The following KIF26B variants were observed in gnomAD, a reference collection of about 807,000 sequenced individuals.
KIF26B encodes the protein kinesin-like protein KIF26B.
A neutral mutation model predicts 151.2 loss-of-function variants in KIF26B; 63 were observed. The ratio of observed to expected loss-of-function variants is 0.42; its 90% CI spans 0.34 to 0.51. KIF26B has a LOEUF of 0.51. KIF26B is among the 20% of genes least tolerant of loss of function. KIF26B has a pLI of 0.07. For missense variants in KIF26B, 2,813 were observed against 2,913.6 expected (o/e 0.97, Z 0.79); for synonymous variants, 1,357 against 1,262.1 (o/e 1.08, Z -1.59).
At chr1:245,338,984 GTT>G (rs200327162) in intron 2 of KIF26B, among the ~76,000 whole-genome samples, 1 of 140,956 alleles carries the variant, frequency 7.1e-6, no homozygotes, top group African/African-American at 2.6e-5. Context: ...TGCTTTTAGG[GTT>G]TTTTTTTTTT....
At position 245,540,165 on chromosome 1, in the gene KIF26B, T is replaced by C. The variant is rs1463581408; in HGVS notation, c.1167-602T>C. Among the ~76,000 whole-genome samples, 3 of 152,170 alleles carry C rather than the reference T, an allele frequency of 2.0e-5. No individual in the cohort carries two copies. The highest frequency in any genetic ancestry group is 6.5e-5 in the Admixed American group (1 of 15,280). ...GACCTCCCTGCACAATATCCTCTTATCTACGTAAGCAGCCCATAGCCTCAG... is the reference window on the plus strand; with the variant it reads ...GACCTCCCTGCACAATATCCTCTTACCTACGTAAGCAGCCCATAGCCTCAG... On this transcript the variant is annotated intron_variant, in intron 4 of 14. Coordinates refer to ENST00000407071, the MANE Select transcript of KIF26B (RefSeq NM_018012.4). This position sits in a 1 kb window ranked among gnomAD's most constrained non-coding sequence, Gnocchi z 4.6.
intron 3 of KIF26B, among the ~76,000 whole-genome samples, chr1:245,401,882 CAAACAAAG>C (rs137872576): frequency 0.13 from 18,868 of 145,984 alleles, 2,378 homozygotes; most frequent in African/African-American, 0.34. Context: ...AACAAACAAA[CAAACAAAG>C]AAACACACAC....
chr1:245,688,420 C>A lies in KIF26B; in HGVS notation c.5437C>A (p.Gln1813Lys). 1 of 1,437,036 alleles carries A rather than the reference C, an allele frequency of 7.0e-7. No homozygotes were observed. Among genetic ancestry groups the A allele is most frequent in the South Asian group, 1.4e-5 (1 of 69,026 alleles). 89.0% of individuals were successfully genotyped at this position (1,437,036 alleles called of 1,614,324 possible). Residue 1813 changes from glutamine (Q) to lysine (K), a missense_variant, in exon 12 of 15, where the codon CAG (glutamine) becomes AAG (lysine). Physicochemically the swap from Gln to Lys is moderately conservative, Grantham distance 53 (BLOSUM62 1). Around this residue, in one of 3 missense-constraint regions of KIF26B, gnomAD observed 2,060 missense variants for 2,088.6 expected, o/e 0.99. Transcript: ENST00000407071. ...CAGCGGGCGCATCTCGGAGCTGCTGCAGGGTGGCGCGGGCGCCCGGGGCTT... is the reference window on the plus strand; with the variant it reads ...CAGCGGGCGCATCTCGGAGCTGCTGAAGGGTGGCGCGGGCGCCCGGGGCTT... The part of the protein sequence containing the change: ...AVSGRISELL[Q>K]GGAGARGLQL...
At chr1:245,238,314 T>G (rs1670151755) in intron 2 of KIF26B, among the ~76,000 whole-genome samples, 1 of 152,124 alleles carries the variant, frequency 6.6e-6, no homozygotes, top group Non-Finnish European at 1.5e-5. Context: ...CCAGCCTGCG[T>G]GACAGAAACT....
chr1:245,361,188 G>A (rs1020746141), intron 2 of KIF26B, among the ~76,000 whole-genome samples: 1 of 152,066 alleles, frequency 6.6e-6, no homozygotes, highest in Non-Finnish European at 1.5e-5. Context: ...CCTATTAATC[G>A]CATTCCCACC....
In KIF26B at chr1:245,367,292, C is replaced by T. The variant is rs1321738484; in HGVS notation, c.924C>T (p.Ala308=). ...PSNGNILNSV[A]IQAHQYLDGT... The stretch of plus-strand genomic sequence containing the variant: ...ATGGGAACATCCTCAATTCGGTGGC[C>T]ATCCAGGCTCACCAGTACCTGGATG... The change falls in exon 3 of 15, where the codon GCC becomes GCT. Residue 308 remains alanine, a synonymous_variant. Transcript: ENST00000407071. The surrounding 1 kb of genome is among the most constrained non-coding windows in gnomAD (Gnocchi z 4.2). The T allele has an allele frequency of 4.4e-6, 7 of 1,597,320 alleles. No homozygotes were observed. Among genetic ancestry groups the T allele is most frequent in the Non-Finnish European group, 6.0e-6 (7 of 1,172,230 alleles).
At chr1:245,693,606 C>T (rs560574831) in intron 12 of KIF26B, among the ~76,000 whole-genome samples, 1 of 152,302 alleles carries the variant, frequency 6.6e-6, no homozygotes, top group East Asian at 1.9e-4. Flanking sequence ...GTCAACATTA[C>T]TGACTGATGG....
intron 5 of KIF26B, among the ~76,000 whole-genome samples, chr1:245,584,615 G>A (rs900238913): frequency 6.6e-6 from 1 of 152,110 alleles, no homozygotes; most frequent in African/African-American, 2.4e-5. Context: ...ATTTTGGTAC[G>A]ATTCCAATGA....
chr1:245,472,617 G>A (rs1659939739), intron 4 of KIF26B, among the ~76,000 whole-genome samples: 1 of 152,200 alleles, frequency 6.6e-6, no homozygotes, highest in African/African-American at 2.4e-5. Context: ...GCTAACAATA[G>A]TGATCTTATG....
intron 4 of KIF26B, among the ~76,000 whole-genome samples, chr1:245,524,621 G>T (rs1056537381): frequency 6.6e-6 from 1 of 152,064 alleles, no homozygotes; most frequent in Non-Finnish European, 1.5e-5. Context: ...AATTTTATAA[G>T]CTAAGTAACT....
Position 245,654,475 on chromosome 1 carries a change from C to T in KIF26B, c.2258+8195C>T, listed in dbSNP as rs571124483. ...AGTCTGGGTCCCGTGTTCTGGGCAC[C>T]ACCAATGGAGGGTATCCTCTCAGAA... is the stretch of plus-strand genomic sequence containing the variant. On this transcript the variant is annotated intron_variant, in intron 10 of 14. Transcript: ENST00000407071. Among the ~76,000 whole-genome samples, 3 of 152,268 alleles carry T rather than the reference C, an allele frequency of 2.0e-5. No individual in the cohort carries two copies. In the South Asian group the frequency reaches 6.2e-4, roughly 32 times the overall value.
rs139014157 is a variant in KIF26B, at chr1:245,529,463, G to A, written c.1167-11304G>A. The stretch of plus-strand genomic sequence containing the variant: ...GCAAGGCATGGATTCTGCCACCGAC[G>A]GAGTATTTATTTGGTCTTTCTAAAA... On this transcript the variant is annotated intron_variant, in intron 4 of 14. Coordinates refer to ENST00000407071, the MANE Select transcript of KIF26B (RefSeq NM_018012.4). 5.1e-3 allele frequency among the ~76,000 whole-genome samples: 775 copies of A among 152,250 alleles called. 10 individuals carry two copies. The highest frequency in any genetic ancestry group is 0.017 in the African/African-American group (698 of 41,542).
intron 2 of KIF26B, among the ~76,000 whole-genome samples, chr1:245,245,801 C>T (rs866677785): frequency 1.3e-5 from 2 of 151,940 alleles, no homozygotes; most frequent in Non-Finnish European, 2.9e-5. Context: ...GTGGCGGGTG[C>T]CTGCAATCCC....
Position 245,390,943 on chromosome 1 carries a change from A to AAAAAAAAAAAAAACAAAACAAAACAAAAC in KIF26B, c.999+23585_999+23586insAAAACAAAACAAAACAAAACAAAAAAAAA, listed in dbSNP as rs1553270131. On this transcript the variant is annotated intron_variant, in intron 3 of 14. Transcript: ENST00000407071. ...TCTCAAAAAAAAAAAAAAAAAAAAAAAAAAAAAAACCACCATAAAATTTTG... is the reference window on the plus strand; with the variant it reads ...TCTCAAAAAAAAAAAAAAAAAAAAAAAAAAAAAAAAAAACAAAACAAAACAAAACAAAAAAAAACCACCATAAAATTTTG... Among the ~76,000 whole-genome samples the AAAAAAAAAAAAAACAAAACAAAACAAAAC allele has an allele frequency of 8.4e-5, 10 of 118,458 alleles. 2 individuals are homozygous for AAAAAAAAAAAAAACAAAACAAAACAAAAC. The highest frequency in any genetic ancestry group is 4.1e-4 in the African/African-American group (10 of 24,448). 77.7% of individuals were successfully genotyped at this position (118,458 alleles called of 152,430 possible).
chr1:245,530,555 A>C (rs1661338545), intron 4 of KIF26B, among the ~76,000 whole-genome samples: 1 of 152,254 alleles, frequency 6.6e-6, no homozygotes, highest in African/African-American at 2.4e-5. Context: ...ACTGGAGGTC[A>C]TTATGTTAAG....
At chr1:245,581,806 C>T (rs1443797476) in intron 5 of KIF26B, among the ~76,000 whole-genome samples, 1 of 152,072 alleles carries the variant, frequency 6.6e-6, no homozygotes, top group Admixed American at 6.6e-5. Context: ...AATCCCAGCA[C>T]TTTGGGAGGC....
At position 245,521,686 on chromosome 1, in the gene KIF26B, C is replaced by T. The variant is rs1264612945; in HGVS notation, c.1167-19081C>T. On this transcript the variant is annotated intron_variant, in intron 4 of 14. Transcript: ENST00000407071. ...ATTTTGAGCCAGTTCTGACCATCCA[C>T]TCATCCGTCTGTATTTGTGTAGTGC... Among the ~76,000 whole-genome samples the T allele has an allele frequency of 2.6e-5, 4 of 152,086 alleles. No homozygotes were observed. In the East Asian group the frequency reaches 7.7e-4, roughly 29 times the overall value.
At chr1:245,285,458 A>C (rs1265005052) in intron 2 of KIF26B, among the ~76,000 whole-genome samples, 1 of 152,100 alleles carries the variant, frequency 6.6e-6, no homozygotes, top group Non-Finnish European at 1.5e-5. Context: ...CATTAATTCA[A>C]TTTGCCACAG....
At chr1:245,362,322 A>G (rs1487080043) in intron 2 of KIF26B, among the ~76,000 whole-genome samples, 2 of 148,790 alleles carry the variant, frequency 1.3e-5, no homozygotes, top group East Asian at 4.0e-4. Context: ...AGGTCAAGAG[A>G]TCAAGACCAT....
Sources: allele counts gnomAD v4.1 joint callset (sites outside exome capture counted in the v4.1 genomes callset), GRCh38; gene constraint gnomAD v4.1.1; regional missense constraint gnomAD v4.1.1; non-coding constraint Gnocchi (gnomAD v3.1); transcripts MANE v1.5; gene names NCBI Gene and HGNC (gene_info 2026-07-23, HGNC 2026-07-21).